DOCK2: variants seen among roughly 807,000 people sequenced by gnomAD.
DOCK2 encodes dedicator of cytokinesis 2.
A neutral mutation model predicts 248.9 loss-of-function variants in DOCK2; 87 were observed. The observed-to-expected ratio is 0.35, with a 90% CI of 0.29 to 0.42. The LOEUF is 0.42. Among genes scored for constraint, DOCK2 ranks in the 10% least tolerant of loss-of-function variants. DOCK2 has a pLI of 1.00. For missense variants in DOCK2, 1,747 were observed against 2,300.2 expected (o/e 0.76, Z 4.92); for synonymous variants, 805 against 821.6 (o/e 0.98, Z 0.35).
chr5:170,039,625 T>G (rs1756446236), intron 36 of DOCK2, among the ~76,000 whole-genome samples: 1 of 152,212 alleles, frequency 6.6e-6, no homozygotes, highest in Admixed American at 6.5e-5. Flanking sequence ...CTGCCCTGAT[T>G]TCAGGCAGCC....
chr5:170,038,611 A>G (rs1044310719), intron 36 of DOCK2, among the ~76,000 whole-genome samples: 7 of 152,130 alleles, frequency 4.6e-5, no homozygotes, highest in African/African-American at 1.7e-4. Context: ...GGCCTGGAGC[A>G]CTGTCATCAC....
Position 170,034,428 on chromosome 5 carries a change from C to T in DOCK2, c.3497C>T (p.Thr1166Ile), listed in dbSNP as rs1253821966. The change falls in exon 35 of 52, where the codon ACC (threonine) becomes ATC (isoleucine). Residue 1166 changes from threonine to isoleucine, a missense_variant. This residue lies in a region of DOCK2 where 858 missense variants were observed against 1,183.5 expected (regional missense o/e 0.72). Coordinates refer to ENST00000520908, the MANE Select transcript of DOCK2 (RefSeq NM_004946.3). ...ILMECAAEHP[T>I]IAKSVENFVN... ...ATGGAATGTGCTGCAGAGCACCCAA[C>T]CATTGCCAAGTCGGTGGAGAACTTC... 6.2e-6 allele frequency: 10 copies of T among 1,614,162 alleles called. No homozygotes were observed. The highest frequency in any genetic ancestry group is 7.6e-6 in the Non-Finnish European group (9 of 1,180,018).
At chr5:170,053,815 GCAATT>G (rs1343737490) in intron 41 of DOCK2, among the ~76,000 whole-genome samples, 1 of 152,142 alleles carries the variant, frequency 6.6e-6, no homozygotes, top group African/African-American at 2.4e-5. Flanking sequence ...TCAGACAGAG[GCAATT>G]CAATTTAATT....
intron 25 of DOCK2, among the ~76,000 whole-genome samples, chr5:169,762,153 T>C (rs75617604): frequency 0.061 from 9,328 of 152,244 alleles, 529 homozygotes; most frequent in African/African-American, 0.15. Context: ...AAGGGTACCA[T>C]GTGGAAATGG....
intron 1 of DOCK2, among the ~76,000 whole-genome samples, chr5:169,643,456 A>G (rs1449882547): frequency 2.6e-5 from 4 of 152,170 alleles, no homozygotes; most frequent in African/African-American, 4.8e-5. Context: ...AAGCTGTTCC[A>G]CTTCAGATCA....
intron 13 of DOCK2, 81 bp downstream of exon 13, chr5:169,700,220 T>A (rs564390083): frequency 6.6e-7 from 1 of 1,520,428 alleles, no homozygotes; most frequent in Admixed American, 2.1e-5. Flanking sequence ...TTCTAAAGAG[T>A]CAACTCCTTC....
chr5:170,022,897 A>G (rs1171617155), intron 33 of DOCK2, among the ~76,000 whole-genome samples: 1 of 152,220 alleles, frequency 6.6e-6, no homozygotes, highest in Non-Finnish European at 1.5e-5. Flanking sequence ...ATCCCATGTC[A>G]TTCAGGGGAA....
intron 27 of DOCK2, among the ~76,000 whole-genome samples, chr5:169,841,239 T>C (rs991570823): frequency 6.6e-6 from 1 of 152,328 alleles, no homozygotes. Context: ...TCCTGTGAGC[T>C]TGGTTTCCTA....
intron 27 of DOCK2, among the ~76,000 whole-genome samples, chr5:169,902,679 T>C (rs1728690938): frequency 6.6e-6 from 1 of 152,218 alleles, no homozygotes; most frequent in African/African-American, 2.4e-5. Context: ...GCCTCATTCC[T>C]GACTGTATTT....
chr5:169,653,481 G>A (rs1757918395), intron 1 of DOCK2, among the ~76,000 whole-genome samples: 1 of 152,220 alleles, frequency 6.6e-6, no homozygotes, highest in African/African-American at 2.4e-5. Flanking sequence ...TGTGTGGGCA[G>A]CAGCAGGGCC....
At chr5:169,985,971 C>G in intron 29 of DOCK2, 49 bp downstream of exon 29, 1 of 1,506,658 alleles carries the variant, frequency 6.6e-7, no homozygotes, top group East Asian at 2.3e-5. Context: ...GCCCTCACTT[C>G]AAAGATCACT....
chr5:169,898,943 G>A (rs1773768943), intron 27 of DOCK2, among the ~76,000 whole-genome samples: 1 of 152,164 alleles, frequency 6.6e-6, no homozygotes, highest in Admixed American at 6.5e-5. Context: ...TGGTAGAATG[G>A]TGGATTCAAC....
chr5:169,794,440 A>T (rs1014939213), intron 25 of DOCK2, among the ~76,000 whole-genome samples: 1 of 152,166 alleles, frequency 6.6e-6, no homozygotes, highest in African/African-American at 2.4e-5. Flanking sequence ...GCACTTTAGC[A>T]CTTTACTAGA....
intron 27 of DOCK2, chr5:169,883,199 G>C: frequency 6.4e-7 from 1 of 1,551,636 alleles, no homozygotes; most frequent in South Asian, 1.2e-5. Context: ...TCCAAAGGGT[G>C]TATGGAGTTA....
At chr5:169,882,546 T>A in intron 27 of DOCK2, 2 of 1,531,564 alleles carry the variant, frequency 1.3e-6, no homozygotes, top group Non-Finnish European at 1.8e-6. Context: ...AAAAAAAATC[T>A]CCTTACCCTT....
intron 27 of DOCK2, among the ~76,000 whole-genome samples, chr5:169,905,137 G>A (rs765389664): frequency 1.3e-5 from 2 of 152,210 alleles, no homozygotes; most frequent in East Asian, 1.9e-4. Flanking sequence ...GGTTTAGGAA[G>A]GGTTGCAAAC....
At position 169,978,315 on chromosome 5, in the gene DOCK2, A is replaced by G. The variant is rs11956230; in HGVS notation, c.2800-4753A>G. ...TTTTGTTTGTTTGTTTCCCAAGGCA[A>G]GGCAAACTGGTAGCCTTTCCCTCAG... is the stretch of plus-strand genomic sequence containing the variant. On this transcript the variant is annotated intron_variant, in intron 27 of 51. Coordinates refer to ENST00000520908, the MANE Select transcript of DOCK2 (RefSeq NM_004946.3). 9.2e-3 allele frequency among the ~76,000 whole-genome samples: 1,252 copies of G among 135,782 alleles called. 20 individuals are homozygous for G. The highest frequency in any genetic ancestry group is 0.033 in the African/African-American group (1,190 of 36,046). 89.1% of individuals were successfully genotyped at this position (135,782 alleles called of 152,430 possible).
At chr5:169,813,813 G>A (rs1436164724) in intron 26 of DOCK2, among the ~76,000 whole-genome samples, 1 of 152,178 alleles carries the variant, frequency 6.6e-6, no homozygotes, top group African/African-American at 2.4e-5. Context: ...GAGAAAGACA[G>A]CCTTGGTTCC....
chr5:169,972,586 TGATAGATA>T (rs1554122914), intron 27 of DOCK2, among the ~76,000 whole-genome samples: 174 of 69,032 alleles, frequency 2.5e-3, no homozygotes, highest in African/African-American at 6.0e-3. Flanking sequence ...GATAGATAGA[TGATAGATA>T]GATAGATAGA....
Sources: gnomAD v4.1 joint callset for allele counts (sites outside exome capture counted in the v4.1 genomes callset) on GRCh38, gnomAD v4.1.1 for gene constraint, gnomAD v4.1.1 regional missense constraint, MANE v1.5 for transcripts, NCBI Gene and HGNC (gene_info 2026-07-23, HGNC 2026-07-21) for gene names.